The following NELL2 variants were observed in gnomAD, a reference collection of about 807,000 sequenced individuals.
NELL2 encodes neural EGFL like 2.
A neutral mutation model predicts 109.6 loss-of-function variants in NELL2; 41 were observed. That is an observed-to-expected ratio of 0.37 (90% CI 0.29 to 0.49). The LOEUF (loss-of-function observed/expected upper bound fraction) is 0.49. Ranked by LOEUF, NELL2 falls within the 20% of genes least tolerant of loss-of-function variation. The pLI, the probability that NELL2 is intolerant of heterozygous loss-of-function variation, is 0.98. For synonymous variants in NELL2, 355 were observed against 344.7 expected, an observed-to-expected ratio of 1.03 and a Z score of -0.33; for missense variants, 900 against 1,008.3, an observed-to-expected ratio of 0.89 and a Z score of 1.45.
intron 15 of NELL2, among the ~76,000 whole-genome samples, chr12:44,590,496 C>A (rs1423662066): frequency 6.6e-6 from 1 of 152,066 alleles, no homozygotes; most frequent in African/African-American, 2.4e-5. Flanking sequence ...TTTTTTAAAG[C>A]AGTATACTTA....
At chr12:44,867,280 C>T (rs1309225493) in intron 2 of NELL2, among the ~76,000 whole-genome samples, 2 of 152,184 alleles carry the variant, frequency 1.3e-5, no homozygotes, top group Admixed American at 6.5e-5. Context: ...GTATCATTCA[C>T]CATGATCAAG....
At chr12:44,590,449 CCTG>C (rs1490881895) in intron 15 of NELL2, among the ~76,000 whole-genome samples, 1 of 152,064 alleles carries the variant, frequency 6.6e-6, no homozygotes, top group Non-Finnish European at 1.5e-5. Context: ...CAGGTTATAT[CCTG>C]CTGAAGGTAA....
At chr12:44,831,518 C>T (rs1161650971) in intron 2 of NELL2, among the ~76,000 whole-genome samples, 2 of 152,192 alleles carry the variant, frequency 1.3e-5, no homozygotes, top group East Asian at 1.9e-4. Flanking sequence ...CCTCCAATAG[C>T]AATAACTCTC....
chr12:44,913,875 T>C (rs1186174769), exon 1 of NELL2: 1 of 639,108 alleles, frequency 1.6e-6, no homozygotes, highest in Non-Finnish European at 2.5e-6. Flanking sequence ...TTTTTCACTT[T>C]TAGATTGAAT....
At chr12:44,622,675 G>A (rs1946101577) in intron 13 of NELL2, among the ~76,000 whole-genome samples, 1 of 152,072 alleles carries the variant, frequency 6.6e-6, no homozygotes, top group Non-Finnish European at 1.5e-5. Flanking sequence ...TTCCACAGTT[G>A]GATCAGATAC....
chr12:44,760,730 T>A (rs1443261980), intron 9 of NELL2, among the ~76,000 whole-genome samples: 1 of 152,096 alleles, frequency 6.6e-6, no homozygotes, highest in East Asian at 1.9e-4. Flanking sequence ...TATTATCTCA[T>A]GTACACAAAA....
In NELL2 at chr12:44,617,609, G is replaced by A. The variant is rs1280880752; in HGVS notation, c.1445-6639C>T. 2.8e-5 allele frequency among the ~76,000 whole-genome samples: 3 copies of A among 108,254 alleles called. No homozygotes were observed. The East Asian group carries it at 6.4e-4, about 23-fold the overall frequency. The allele number at this position is 108,254 out of a possible 152,430, so 71.0% of individuals were successfully genotyped here. On this transcript the variant is annotated intron_variant, in intron 13 of 19. Coordinates refer to ENST00000429094, the MANE Select transcript of NELL2 (RefSeq NM_001145108.2). Reference sequence around the variant, plus strand: ...TGGGAGGCTGAGGCAGGAGAATGGCGTGAACCTGGGAGGCGGAGCTTGCAG... The same window carrying A: ...TGGGAGGCTGAGGCAGGAGAATGGCATGAACCTGGGAGGCGGAGCTTGCAG...
chr12:44,622,318 G>A (rs1214935637), intron 13 of NELL2, among the ~76,000 whole-genome samples: 2 of 152,024 alleles, frequency 1.3e-5, no homozygotes, highest in Non-Finnish European at 1.5e-5. Flanking sequence ...TCATGTCAGT[G>A]CTGCCCCTAA....
intron 13 of NELL2, among the ~76,000 whole-genome samples, chr12:44,640,369 G>A (rs1208154428): frequency 6.6e-6 from 1 of 152,148 alleles, no homozygotes; most frequent in Non-Finnish European, 1.5e-5. Context: ...CTTTGCCCCT[G>A]TGTCTGTGAA....
At chr12:44,608,122 T>C (rs769559737) in intron 14 of NELL2, among the ~76,000 whole-genome samples, 9 of 152,122 alleles carry the variant, frequency 5.9e-5, no homozygotes, top group South Asian at 2.1e-4. Flanking sequence ...GCTTATTCTT[T>C]GGCTCTGTAA....
intron 2 of NELL2, among the ~76,000 whole-genome samples, chr12:44,854,672 A>G (rs1220538185): frequency 6.9e-6 from 1 of 145,230 alleles, no homozygotes; most frequent in African/African-American, 2.5e-5. Context: ...GGATGGATGG[A>G]TGGATGGATG....
chr12:44,623,361 C>T (rs182177266), intron 13 of NELL2, among the ~76,000 whole-genome samples: 46 of 152,060 alleles, frequency 3.0e-4, no homozygotes, highest in African/African-American at 1.0e-3. Flanking sequence ...GCTCGAGTGG[C>T]AGGAATCAAT....
At chr12:44,739,979 A>C (rs1939863794) in intron 9 of NELL2, among the ~76,000 whole-genome samples, 1 of 152,232 alleles carries the variant, frequency 6.6e-6, no homozygotes, top group African/African-American at 2.4e-5. Flanking sequence ...GGCTGCTTTC[A>C]TGCTATAAAG....
intron 3 of NELL2, 39 bp downstream of exon 3, chr12:44,815,947 T>G: frequency 6.3e-7 from 1 of 1,585,662 alleles, no homozygotes; most frequent in South Asian, 1.2e-5. Flanking sequence ...TTTAACCACA[T>G]ATAATGAAAA....
In NELL2 at chr12:44,675,753, A is replaced by G. The variant is rs534664645; in HGVS notation, c.1319-10144T>C. The stretch of plus-strand genomic sequence containing the variant: ...TGGACTTCATCCTATGTAAAATGGG[A>G]AAGGTTTTAAGAGGTGATTAACTGA... On this transcript the variant is annotated intron_variant, in intron 12 of 19. Transcript: ENST00000429094. 4.6e-5 allele frequency among the ~76,000 whole-genome samples: 7 copies of G among 152,240 alleles called. No individual in the cohort carries two copies. The East Asian group carries it at 1.4e-3, about 29-fold the overall frequency.
At chr12:44,770,276 A>G (rs1192172557) in intron 9 of NELL2, among the ~76,000 whole-genome samples, 4 of 152,132 alleles carry the variant, frequency 2.6e-5, no homozygotes, top group Non-Finnish European at 5.9e-5. Flanking sequence ...AACAGTTAAC[A>G]TTGTTCTAAG....
chr12:44,686,322 T>A (rs977250760), intron 12 of NELL2, among the ~76,000 whole-genome samples: 11 of 152,078 alleles, frequency 7.2e-5, no homozygotes, highest in Non-Finnish European at 1.5e-4. Flanking sequence ...TCTTCTAAAT[T>A]TTTTTCAAAG....
intron 15 of NELL2, among the ~76,000 whole-genome samples, chr12:44,584,012 G>C (rs916249886): frequency 6.6e-6 from 1 of 152,120 alleles, no homozygotes; most frequent in African/African-American, 2.4e-5. Context: ...GAGCTCAAGC[G>C]ATCCGCCCAC....
intron 15 of NELL2, among the ~76,000 whole-genome samples, chr12:44,595,181 A>C (rs914678215): frequency 3.3e-5 from 5 of 152,242 alleles, no homozygotes; most frequent in African/African-American, 1.2e-4. Context: ...CTCGAATTAA[A>C]CATTTTTAAA....
Sources: allele counts gnomAD v4.1 joint callset (sites outside exome capture counted in the v4.1 genomes callset), GRCh38; gene constraint gnomAD v4.1.1; transcripts MANE v1.5; gene names NCBI Gene and HGNC (gene_info 2026-07-23, HGNC 2026-07-21).